The following FAT3 variants were observed in gnomAD, a reference collection of about 807,000 sequenced individuals.
FAT3 encodes the protein FAT atypical cadherin 3, also known as protocadherin Fat 3.
A neutral mutation model predicts 310.2 loss-of-function variants in FAT3; 95 were observed. The ratio of observed to expected loss-of-function variants is 0.31; its 90% CI spans 0.26 to 0.36. The LOEUF (loss-of-function observed/expected upper bound fraction) is 0.36, where lower values mean the gene tolerates loss of function less well. Ranked by LOEUF, FAT3 falls within the 10% of genes least tolerant of loss-of-function variation. The probability of loss-of-function intolerance (pLI) is 1.00; values close to 1 mark genes in which losing one functional copy is unlikely to be tolerated. For synonymous variants in FAT3, 2,314 were observed against 2,192.9 expected, an observed-to-expected ratio of 1.06 and a Z score of -1.54; for missense variants, 5,408 against 5,715.6, an observed-to-expected ratio of 0.95 and a Z score of 1.74.
chr11:92,779,077 A>T (rs1438387073), intron 7 of FAT3, among the ~76,000 whole-genome samples: 1 of 152,088 alleles, frequency 6.6e-6, no homozygotes, highest in Non-Finnish European at 1.5e-5. Flanking sequence ...GGTTGAAGGA[A>T]TCGGTACTGT....
intron 2 of FAT3, among the ~76,000 whole-genome samples, chr11:92,357,329 A>G (rs1948760667): frequency 1.3e-5 from 2 of 152,180 alleles, no homozygotes; most frequent in South Asian, 2.1e-4. Context: ...CCTATTTTCA[A>G]ACTTAGCTTT....
chr11:92,669,313 G>A (rs894364650), intron 3 of FAT3, among the ~76,000 whole-genome samples: 35 of 152,264 alleles, frequency 2.3e-4, no homozygotes, highest in African/African-American at 8.4e-4. Context: ...GTCCCTTAAT[G>A]CATGTAGAGT....
At chr11:92,740,187 T>C (rs749005391) in intron 4 of FAT3, among the ~76,000 whole-genome samples, 2 of 152,220 alleles carry the variant, frequency 1.3e-5, no homozygotes, top group African/African-American at 2.4e-5. Flanking sequence ...CTACTTTCAC[T>C]CAGCAAAACA....
intron 3 of FAT3, among the ~76,000 whole-genome samples, chr11:92,654,097 C>T (rs886524645): frequency 3.3e-5 from 5 of 152,196 alleles, no homozygotes; most frequent in African/African-American, 1.2e-4. Context: ...CAAAAATCCA[C>T]TCAGTCAAAG....
chr11:92,294,181 C>G (rs1472690239), intron 1 of FAT3, among the ~76,000 whole-genome samples: 1 of 152,040 alleles, frequency 6.6e-6, no homozygotes, highest in African/African-American at 2.4e-5. Flanking sequence ...CCTCAAATGG[C>G]TTTTCCTTGG....
At chr11:92,565,072 C>A (rs1481189958) in intron 3 of FAT3, among the ~76,000 whole-genome samples, 4 of 142,656 alleles carry the variant, frequency 2.8e-5, no homozygotes, top group Non-Finnish European at 6.2e-5. Context: ...CACAATAAAC[C>A]CTTCAAAAAA....
intron 13 of FAT3, among the ~76,000 whole-genome samples, chr11:92,827,087 C>A (rs1948121506): frequency 6.6e-6 from 1 of 152,136 alleles, no homozygotes; most frequent in Non-Finnish European, 1.5e-5. Context: ...TATTCTGGCA[C>A]CTGGTAGGTT....
chr11:92,657,367 T>C (rs1942621150), intron 3 of FAT3, among the ~76,000 whole-genome samples: 1 of 152,178 alleles, frequency 6.6e-6, no homozygotes, highest in Admixed American at 6.5e-5. Flanking sequence ...GGGCAATAAT[T>C]TTGCTGGCAG....
intron 3 of FAT3, among the ~76,000 whole-genome samples, chr11:92,595,711 T>A (rs146474392): frequency 6.6e-6 from 1 of 152,218 alleles, no homozygotes; most frequent in East Asian, 1.9e-4. Context: ...ATTTTAAGTA[T>A]TCATTGGTAG....
rs556502392 is a variant in FAT3, at chr11:92,633,298, G to A, written c.3608-64086G>A. 7.2e-5 allele frequency among the ~76,000 whole-genome samples: 11 copies of A among 152,144 alleles called. No homozygotes were observed. The South Asian group carries it at 2.1e-3, about 29-fold the overall frequency. On this transcript the variant is annotated intron_variant, in intron 3 of 27. Transcript: ENST00000525166. ...TATAAGGGAGTCCTAGTTTCACTTGGGCTCAGTCTTTTTTTTTTATCTGAT... is the reference window on the plus strand; with the variant it reads ...TATAAGGGAGTCCTAGTTTCACTTGAGCTCAGTCTTTTTTTTTTATCTGAT...
Position 92,486,129 on chromosome 11 carries a change from G to GTTTTTTTTTTTTTTTTTTT in FAT3, c.3293-38505_3293-38504insTTTTTTTTTTTTTTTTTTT, listed in dbSNP as rs1565353395. Among the ~76,000 whole-genome samples, 12 of 27,680 alleles carry GTTTTTTTTTTTTTTTTTTT rather than the reference G, an allele frequency of 4.3e-4. 2 individuals are homozygous for GTTTTTTTTTTTTTTTTTTT. The highest frequency in any genetic ancestry group is 1.7e-3 in the East Asian group (1 of 574). 18.2% of individuals were successfully genotyped at this position (27,680 alleles called of 152,430 possible). On this transcript the variant is annotated intron_variant, in intron 2 of 27. Coordinates refer to ENST00000525166, the MANE Select transcript of FAT3 (RefSeq NM_001367949.2). The stretch of plus-strand genomic sequence containing the variant: ...TGTGAAATAGAGGAGAGGCTGCTGG[G>GTTTTTTTTTTTTTTTTTTT]GTTTTTTTTTTTTTTTTTTTTTTTT...
Position 92,799,799 on chromosome 11 carries a change from C to T in FAT3, c.6786C>T (p.Asp2262=), listed in dbSNP as rs139617275. 4,115 of 1,613,022 alleles carry T rather than the reference C, an allele frequency of 2.6e-3. 8 individuals are homozygous for T. The highest frequency in any genetic ancestry group is 3.0e-3 in the Non-Finnish European group (3,522 of 1,179,486). The change falls in exon 10 of 28, where the codon GAC becomes GAT. Residue 2262 remains aspartate (D), a synonymous_variant. Coordinates refer to ENST00000525166, the MANE Select transcript of FAT3 (RefSeq NM_001367949.2). ...SAYKLTIRAS[D]ALTGARAEVT... ...ACAAGCTGACAATAAGAGCCAGCGA[C>T]GCCCTTACTGGTGCTAGGGCTGAAG... is the stretch of plus-strand genomic sequence containing the variant.
At chr11:92,558,264 T>C (rs1457242643) in intron 3 of FAT3, among the ~76,000 whole-genome samples, 1 of 152,024 alleles carries the variant, frequency 6.6e-6, no homozygotes, top group East Asian at 1.9e-4. Context: ...AGAAAATGTT[T>C]ATTTAGGTAA....
At chr11:92,605,746 A>G in intron 3 of FAT3, among the ~76,000 whole-genome samples, 1 of 91,830 alleles carries the variant, frequency 1.1e-5, no homozygotes, top group East Asian at 2.3e-4. Flanking sequence ...TTTTTTTTAC[A>G]AATGAGATTT....
intron 3 of FAT3, among the ~76,000 whole-genome samples, chr11:92,579,082 A>T (rs1277929286): frequency 3.3e-5 from 5 of 152,120 alleles, no homozygotes; most frequent in Non-Finnish European, 2.9e-5. Context: ...TGTAAGCTAA[A>T]ATCCAGATTA....
At position 92,261,974 on chromosome 11, in the gene FAT3, A is replaced by T. The variant is rs573800183; in HGVS notation, c.-18+36800A>T. 2.6e-5 allele frequency among the ~76,000 whole-genome samples: 4 copies of T among 151,760 alleles called. No individual in the cohort carries two copies. In the South Asian group the frequency reaches 8.3e-4, roughly 32 times the overall value. On this transcript the variant is annotated intron_variant, in intron 1 of 27. Coordinates refer to ENST00000525166, the MANE Select transcript of FAT3 (RefSeq NM_001367949.2). The stretch of plus-strand genomic sequence containing the variant: ...TATTTCTATGTTGTTTCTCCTTTAT[A>T]CATATTTACTCTCTCTTTTTTTTTT...
At chr11:92,578,612 T>G (rs533317726) in intron 3 of FAT3, among the ~76,000 whole-genome samples, 1 of 152,248 alleles carries the variant, frequency 6.6e-6, no homozygotes, top group East Asian at 1.9e-4. Context: ...GAAAGAATTA[T>G]TAAACAGTGC....
At chr11:92,628,173 T>TG (rs1334933864) in intron 3 of FAT3, among the ~76,000 whole-genome samples, 9 of 152,368 alleles carry the variant, frequency 5.9e-5, no homozygotes, top group African/African-American at 2.2e-4. Flanking sequence ...ACATGTGCAC[T>TG]GACCCTTTGG....
intron 2 of FAT3, among the ~76,000 whole-genome samples, chr11:92,360,508 T>G (rs10501780): frequency 1.3e-5 from 2 of 152,202 alleles, no homozygotes; most frequent in African/African-American, 4.8e-5. Flanking sequence ...GGGATTCATA[T>G]TTTTGACTAC....
Sources: allele counts gnomAD v4.1 joint callset (sites outside exome capture counted in the v4.1 genomes callset), GRCh38; gene constraint gnomAD v4.1.1; transcripts MANE v1.5; gene names NCBI Gene and HGNC (gene_info 2026-07-23, HGNC 2026-07-21).